The following CHRNE variants were observed in gnomAD, a reference collection of about 807,000 sequenced individuals.
CHRNE encodes the protein acetylcholine receptor subunit epsilon.
Under a neutral mutation model 56.5 loss-of-function variants are expected in CHRNE, and 58 were observed. That is an observed-to-expected ratio of 1.03 (90% CI 0.83 to 1.28). The LOEUF is 1.28. Among genes scored for constraint, CHRNE ranks in the 50% most tolerant of loss-of-function variants. The probability of loss-of-function intolerance (pLI) is 0.00; values close to 1 mark genes in which losing one functional copy is unlikely to be tolerated. For synonymous variants in CHRNE, 385 were observed against 297.9 expected (o/e 1.29, Z -3.01); for missense variants, 793 against 688.9 (o/e 1.15, Z -1.69).
In CHRNE at chr17:4,900,917, G is replaced by C. The variant is rs1326169288; in HGVS notation, c.803-10C>G. On this transcript the variant is annotated splice_polypyrimidine_tract_variant and intron_variant, in intron 7 of 11. Transcript: ENST00000649488. ...CATTTCTGGCCGCCGGCTGGAGGGA[G>C]AGCCAGTGAGAGCGGGCCCCGCCTC... 3.7e-6 allele frequency: 6 copies of C among 1,614,142 alleles called. No homozygotes were observed. In the South Asian group the frequency reaches 5.5e-5, roughly 15 times the overall value.
chr17:4,901,763 T>C lies in CHRNE; in HGVS notation c.501-138A>G, dbSNP rs1463743587. The C allele has an allele frequency of 3.3e-6, 4 of 1,221,116 alleles. No homozygotes were observed. The African/African-American group carries it at 6.0e-5, about 18-fold the overall frequency. The allele number at this position is 1,221,116 out of a possible 1,614,324, so 75.6% of individuals were successfully genotyped here. ...CACCCAAGCCCAGCCCGCACGCCTC[T>C]GTTCCCATCTGTACCTCCGGCCGCG... On this transcript the variant is annotated intron_variant, in intron 5 of 11. Transcript: ENST00000649488.
rs774497563 is a variant in CHRNE, at chr17:4,900,821, T to A, written c.889A>T (p.Thr297Ser). ...CCCAGGAGCGGCACGCTCAGAGAAG[T>A]CTCTGGGATTTTCTGGGCAATGAGG... is the stretch of plus-strand genomic sequence containing the variant. ...LFLIAQKIPE[T>S]SLSVPLLGRF... The change falls in exon 8 of 12, where the codon ACT (threonine) becomes TCT (serine). Residue 297 changes from threonine to serine, a missense_variant. By Grantham distance (58) the Thr-to-Ser change is moderately conservative (BLOSUM62 1). Coordinates refer to ENST00000649488, the MANE Select transcript of CHRNE (RefSeq NM_000080.4). 6.2e-7 allele frequency: 1 copy of A among 1,613,824 alleles called. No individual in the cohort carries two copies. Among genetic ancestry groups the A allele is most frequent in the Non-Finnish European group, 8.5e-7 (1 of 1,179,914 alleles).
At chr17:4,901,696 A>T in intron 5 of CHRNE, 71 bp from the exon 6 acceptor site, 3 of 1,475,190 alleles carry the variant, frequency 2.0e-6, no homozygotes, top group East Asian at 4.5e-5. Context: ...CCAGCCCTGG[A>T]AGCTGGGATC....
In CHRNE at chr17:4,898,790, C is replaced by A. The variant is rs1969819934; in HGVS notation, c.1428G>T (p.Gly476=). 1.2e-6 allele frequency: 2 copies of A among 1,608,826 alleles called. No homozygotes were observed. Among genetic ancestry groups the A allele is most frequent in the Non-Finnish European group, 8.5e-7 (1 of 1,178,188 alleles). Residue 476 remains glycine (G), a synonymous_variant, in exon 12 of 12, where the codon GGG becomes GGT. Transcript: ENST00000649488. ...GATCAGGCACTCGGTTGAAGTAGGC[C>A]CCGAGGAAGATGAGGCTGGAGCCCA... ...FSVGSSLIFL[G]AYFNRVPDLP...
At chr17:4,904,438 C>T (rs890853398), upstream of CHRNE, among the ~76,000 whole-genome samples, 6 of 152,158 alleles carry the variant, frequency 3.9e-5, no homozygotes, top group Non-Finnish European at 8.8e-5. Flanking sequence ...GATTCCTAGG[C>T]TCCATTCCCA....
At chr17:4,906,371 A>G (rs142523569), upstream of CHRNE, among the ~76,000 whole-genome samples, 44 of 152,326 alleles carry the variant, frequency 2.9e-4, no homozygotes, top group African/African-American at 1.0e-3. Context: ...TCACTGCTAG[A>G]GCTGAAATAT....
chr17:4,900,497 C>T (rs1422259594), intron 8 of CHRNE: 4 of 1,550,982 alleles, frequency 2.6e-6, no homozygotes, highest in Admixed American at 3.9e-5. Context: ...TCGGAATCCC[C>T]GGAGAACCGG....
Position 4,898,567 on chromosome 17 carries a change from C to CA in CHRNE, c.*168_*169insT. On this transcript the variant is annotated 3_prime_UTR_variant, in exon 12 of 12. Transcript: ENST00000649488. ...TTTCCTCCTGCTGACCCCTGGACTG[C>CA]GGCCAGGCCTACACACGCCAGGGAA... 1.1e-6 allele frequency: 1 copy of CA among 872,142 alleles called. No homozygotes were observed. The highest frequency in any genetic ancestry group is 1.8e-6 in the Non-Finnish European group (1 of 560,730). 54.0% of individuals were successfully genotyped at this position (872,142 alleles called of 1,614,324 possible).
At chr17:4,903,959 G>A (rs553047955), upstream of CHRNE, among the ~76,000 whole-genome samples, 4 of 152,292 alleles carry the variant, frequency 2.6e-5, no homozygotes, top group African/African-American at 9.6e-5. Context: ...CCGGGTTCAA[G>A]CGATTCTCCT....
At chr17:4,900,287 G>T (rs771251219) in intron 8 of CHRNE, 45 of 1,545,320 alleles carry the variant, frequency 2.9e-5, no homozygotes, top group Middle Eastern at 3.4e-4. Context: ...ACGGCAGCGC[G>T]GGCCCAGCCC....
chr17:4,900,271 G>A lies in CHRNE; in HGVS notation c.917+522C>T, dbSNP rs778211471. 1.7e-5 allele frequency: 27 copies of A among 1,546,002 alleles called. No homozygotes were observed. The East Asian group carries it at 3.4e-4, about 20-fold the overall frequency. ...CTGTGGCTGCAGCAGGAGGCGCGGC[G>A]ACTAGACGGCAGCGCGGGCCCAGCC... On this transcript the variant is annotated intron_variant, in intron 8 of 11. Coordinates refer to ENST00000649488, the MANE Select transcript of CHRNE (RefSeq NM_000080.4).
At chr17:4,899,877 T>C (rs1286737312) in intron 8 of CHRNE, 1 of 1,548,854 alleles carries the variant, frequency 6.5e-7, no homozygotes, top group Admixed American at 2.0e-5. Context: ...TCTGGGTAGG[T>C]CTCCTGTTCG....
At chr17:4,901,744 A>C (rs1041189060) in intron 5 of CHRNE, 119 bp from the exon 6 acceptor site, 3 of 1,264,524 alleles carry the variant, frequency 2.4e-6, no homozygotes, top group Admixed American at 1.9e-5. Flanking sequence ...CCTTCACCCA[A>C]GCCCAGCCCG....
chr17:4,901,399 G>C lies in CHRNE; in HGVS notation c.601+126C>G, dbSNP rs576563150. The C allele has an allele frequency of 5.2e-4, 522 of 996,726 alleles. 2 individuals are homozygous for C. Among genetic ancestry groups the C allele is most frequent in the Admixed American group, 3.0e-3 (157 of 51,708 alleles). The allele number at this position is 996,726 out of a possible 1,614,324, so 61.7% of individuals were successfully genotyped here. On this transcript the variant is annotated intron_variant, in intron 6 of 11. Coordinates refer to ENST00000649488, the MANE Select transcript of CHRNE (RefSeq NM_000080.4). ...ACAATCGAGAATGATTTCAGGACAGGGGTAAGCTAAACCCAGTTGTGGAAG... is the reference window on the plus strand; with the variant it reads ...ACAATCGAGAATGATTTCAGGACAGCGGTAAGCTAAACCCAGTTGTGGAAG...
chr17:4,900,544 C>T, intron 8 of CHRNE: 10 of 1,550,488 alleles, frequency 6.4e-6, no homozygotes, highest in Non-Finnish European at 7.8e-6. Context: ...GGGCCAGAGG[C>T]GGCGGGGCTA....
chr17:4,900,279 G>A (rs1441678257), intron 8 of CHRNE: 12 of 1,545,336 alleles, frequency 7.8e-6, no homozygotes, highest in African/African-American at 2.7e-5. Flanking sequence ...GCGACTAGAC[G>A]GCAGCGCGGG....
chr17:4,902,568 G>A lies in CHRNE; in HGVS notation c.189+53C>T. 1 of 1,614,152 alleles carries A rather than the reference G, an allele frequency of 6.2e-7. No individual in the cohort carries two copies. Among genetic ancestry groups the A allele is most frequent in the South Asian group, 1.1e-5 (1 of 91,080 alleles). ...GTGAGCTTTAGGACAGAGCTCAGCG[G>A]TTGGGGCCAGAAGTGGGATTTTTGG... On this transcript the variant is annotated intron_variant, in intron 2 of 11. Transcript: ENST00000649488. This position sits in a 1 kb window ranked among gnomAD's most constrained non-coding sequence, Gnocchi z 4.0.
At chr17:4,899,917 T>C in intron 8 of CHRNE, 1 of 1,549,832 alleles carries the variant, frequency 6.5e-7, no homozygotes, top group Non-Finnish European at 8.7e-7. Flanking sequence ...GCTACTCTAC[T>C]GCTCTGCTCC....
intron 8 of CHRNE, 117 bp from the exon 9 acceptor site, chr17:4,899,699 C>G: frequency 6.8e-7 from 1 of 1,480,612 alleles, no homozygotes; most frequent in East Asian, 2.5e-5. Flanking sequence ...CCTCCAGCTG[C>G]GCCCCCTACA....
Sources: allele counts gnomAD v4.1 joint callset (sites outside exome capture counted in the v4.1 genomes callset), GRCh38; gene constraint gnomAD v4.1.1; non-coding constraint Gnocchi (gnomAD v3.1); transcripts MANE v1.5; gene names NCBI Gene and HGNC (gene_info 2026-07-23, HGNC 2026-07-21).